The following ST6GAL1 variants were observed in gnomAD, a reference collection of about 807,000 sequenced individuals.
ST6GAL1 encodes ST6 beta-galactoside alpha-2,6-sialyltransferase 1, also known as beta-galactoside alpha-2,6-sialyltransferase 1.
A neutral mutation model predicts 38.0 loss-of-function variants in ST6GAL1; 20 were observed. The ratio of observed to expected loss-of-function variants is 0.53; its 90% CI spans 0.37 to 0.77. ST6GAL1 has a LOEUF of 0.77. Among genes scored for constraint, ST6GAL1 ranks in the 30% least tolerant of loss-of-function variants. The pLI, the probability that ST6GAL1 is intolerant of heterozygous loss-of-function variation, is 0.00. For synonymous variants in ST6GAL1, 196 were observed against 188.2 expected, an observed-to-expected ratio of 1.04 and a Z score of -0.34; for missense variants, 432 against 496.4, an observed-to-expected ratio of 0.87 and a Z score of 1.23.
At chr3:187,032,310 TC>T (rs1488771413) in intron 2 of ST6GAL1, among the ~76,000 whole-genome samples, 6 of 152,158 alleles carry the variant, frequency 3.9e-5, no homozygotes, top group Non-Finnish European at 7.3e-5. Flanking sequence ...ACAAAAAGTT[TC>T]ATGTTCTGGC....
At chr3:187,042,504 T>A in intron 3 of ST6GAL1, 150 bp from the exon 4 acceptor site, 1 of 716,010 alleles carries the variant, frequency 1.4e-6, no homozygotes, top group Non-Finnish European at 2.2e-6. Flanking sequence ...CGAGAATTGC[T>A]TAACAGGCTG....
intron 2 of ST6GAL1, among the ~76,000 whole-genome samples, chr3:187,020,051 C>T (rs1717244244): frequency 6.6e-6 from 1 of 152,204 alleles, no homozygotes; most frequent in South Asian, 2.1e-4. Flanking sequence ...GTAATCCCAG[C>T]ACTTTGACAG....
chr3:186,943,340 GAA>G (rs1314650830), intron 1 of ST6GAL1, among the ~76,000 whole-genome samples: 4 of 152,244 alleles, frequency 2.6e-5, no homozygotes, highest in African/African-American at 9.6e-5. Context: ...TTCCTGGAGA[GAA>G]ATGCATGAGG....
chr3:186,937,075 CCTT>C lies in ST6GAL1; in HGVS notation c.-325+6248_-325+6250del, dbSNP rs370616388. 2.8e-3 allele frequency among the ~76,000 whole-genome samples: 419 copies of C among 151,594 alleles called. 2 individuals are homozygous for C. Among genetic ancestry groups the C allele is most frequent in the African/African-American group, 3.9e-3 (161 of 41,384 alleles). ...ACCCCTCTTAACAGTTGGCAATTTT[CCTT>C]CTTCTTTTTTTTTTAAATGGATATA... On this transcript the variant is annotated intron_variant, in intron 1 of 7. Coordinates refer to ENST00000169298, the MANE Select transcript of ST6GAL1 (RefSeq NM_173216.2).
rs536496560 is a variant in ST6GAL1, at chr3:186,970,275, C to T, written c.-183+6349C>T. Among the ~76,000 whole-genome samples the T allele has an allele frequency of 6.3e-3, 936 of 148,196 alleles. 11 individuals carry two copies. The highest frequency in any genetic ancestry group is 0.022 in the African/African-American group (894 of 40,112). On this transcript the variant is annotated intron_variant, in intron 2 of 7. Coordinates refer to ENST00000169298, the MANE Select transcript of ST6GAL1 (RefSeq NM_173216.2). ...TGTCACCCAGGCTGGAGTGCAGTGG[C>T]GCGATCTCAGCTCACTGCAACCACC...
intron 4 of ST6GAL1, among the ~76,000 whole-genome samples, chr3:187,047,675 C>T (rs1436041315): frequency 6.6e-6 from 1 of 152,068 alleles, no homozygotes; most frequent in Non-Finnish European, 1.5e-5. Context: ...GTGGATTTCT[C>T]TTGGTGATTT....
intron 2 of ST6GAL1, among the ~76,000 whole-genome samples, chr3:187,003,760 G>A (rs1716695461): frequency 6.6e-6 from 1 of 152,150 alleles, no homozygotes; most frequent in Non-Finnish European, 1.5e-5. Context: ...GTGAAGTTTA[G>A]GAACTACCAT....
At position 186,994,623 on chromosome 3, in the gene ST6GAL1, G is replaced by A. The variant is rs113457364; in HGVS notation, c.-183+30697G>A. On this transcript the variant is annotated intron_variant, in intron 2 of 7. Transcript: ENST00000169298. ...TTCAGCTGTTTATTTTTTCATTTTT[G>A]CTGTAGATATTTCAGTATGTATATT... is the stretch of plus-strand genomic sequence containing the variant. Among the ~76,000 whole-genome samples the A allele has an allele frequency of 8.1e-3, 1,234 of 151,932 alleles. 28 individuals are homozygous for A. The highest frequency in any genetic ancestry group is 0.073 in the East Asian group (377 of 5,180).
intron 2 of ST6GAL1, among the ~76,000 whole-genome samples, chr3:187,010,925 T>C (rs991206177): frequency 2.0e-5 from 3 of 152,184 alleles, no homozygotes; most frequent in Non-Finnish European, 4.4e-5. Flanking sequence ...CCCTCCCCTT[T>C]CTAAACCAAA....
intron 1 of ST6GAL1, among the ~76,000 whole-genome samples, chr3:186,937,528 T>G (rs1217532173): frequency 6.6e-6 from 1 of 152,214 alleles, no homozygotes. Context: ...CCAAGGTCAC[T>G]TATTAATTTA....
chr3:186,978,011 C>T (rs558167787), intron 2 of ST6GAL1, among the ~76,000 whole-genome samples: 5 of 151,958 alleles, frequency 3.3e-5, no homozygotes, highest in African/African-American at 7.2e-5. Context: ...GTCAGGAGTT[C>T]GAGACCAGCC....
At chr3:186,980,701 G>C (rs1435156752) in intron 2 of ST6GAL1, among the ~76,000 whole-genome samples, 3 of 151,576 alleles carry the variant, frequency 2.0e-5, no homozygotes, top group Admixed American at 6.6e-5. Context: ...CTTGAACCTG[G>C]GAGGTGGAGG....
In ST6GAL1 at chr3:186,969,177, G is replaced by A. The variant is rs907920412; in HGVS notation, c.-183+5251G>A. ...AGCGATTCTCCTGCCTCAGCCTCCT[G>A]AGTAGCTGGGATTACAGGCACCTGG... On this transcript the variant is annotated intron_variant, in intron 2 of 7. Transcript: ENST00000169298. 1.0e-4 allele frequency among the ~76,000 whole-genome samples: 14 copies of A among 137,358 alleles called. No homozygotes were observed. In the South Asian group the frequency reaches 3.1e-3, roughly 30 times the overall value. 90.1% of individuals were successfully genotyped at this position (137,358 alleles called of 152,430 possible).
At chr3:187,059,606 T>G (rs2108593578) in intron 5 of ST6GAL1, among the ~76,000 whole-genome samples, 1 of 152,328 alleles carries the variant, frequency 6.6e-6, no homozygotes, top group East Asian at 1.9e-4. Flanking sequence ...TCTTACTAGC[T>G]GAAGGATCAT....
chr3:186,959,265 A>G (rs1328856960), intron 1 of ST6GAL1, among the ~76,000 whole-genome samples: 1 of 152,154 alleles, frequency 6.6e-6, no homozygotes, highest in Non-Finnish European at 1.5e-5. Context: ...ACTTAGTTTC[A>G]GCTCTTTGCT....
At chr3:186,956,479 G>T (rs935382523) in intron 1 of ST6GAL1, among the ~76,000 whole-genome samples, 1 of 152,160 alleles carries the variant, frequency 6.6e-6, no homozygotes, top group Non-Finnish European at 1.5e-5. Flanking sequence ...GCTAAGAGGG[G>T]CATGTGTGAA....
At chr3:186,989,729 T>C (rs1488792595) in intron 2 of ST6GAL1, among the ~76,000 whole-genome samples, 2 of 152,344 alleles carry the variant, frequency 1.3e-5, no homozygotes, top group South Asian at 2.1e-4. Context: ...TTTGAGTTTA[T>C]GTAAGATAAT....
At chr3:187,064,695 G>A (rs967574711) in intron 5 of ST6GAL1, 8 of 449,104 alleles carry the variant, frequency 1.8e-5, no homozygotes, top group Non-Finnish European at 3.1e-5. Flanking sequence ...AGTCCTGGCC[G>A]CTCCATGACA....
At chr3:187,062,369 G>C (rs1160162717) in intron 5 of ST6GAL1, among the ~76,000 whole-genome samples, 1 of 152,140 alleles carries the variant, frequency 6.6e-6, no homozygotes, top group Non-Finnish European at 1.5e-5. Flanking sequence ...GTCTTGAAGA[G>C]ATATTCATAC....
Sources: allele counts gnomAD v4.1 joint callset (sites outside exome capture counted in the v4.1 genomes callset), GRCh38; gene constraint gnomAD v4.1.1; transcripts MANE v1.5; gene names NCBI Gene and HGNC (gene_info 2026-07-23, HGNC 2026-07-21).